PLAC9: variants seen among roughly 807,000 people sequenced by gnomAD.
The protein encoded by PLAC9 is placenta-specific protein 9.
PLAC9 carries 12 observed loss-of-function variants against 11.5 expected under a neutral mutation model. The observed-to-expected ratio is 1.05, with a 90% CI of 0.67 to 1.69. The LOEUF is 1.69. Ranked by LOEUF, PLAC9 falls within the 40% of genes most tolerant of loss-of-function variation. PLAC9 has a pLI of 0.00. For missense variants in PLAC9, 132 were observed against 130.5 expected, an observed-to-expected ratio of 1.01 and a Z score of -0.06; for synonymous variants, 62 against 58.1, an observed-to-expected ratio of 1.07 and a Z score of -0.31.
intron 1 of PLAC9, among the ~76,000 whole-genome samples, chr10:80,139,840 C>T (rs1183248261): frequency 2.0e-5 from 3 of 152,070 alleles, no homozygotes; most frequent in Non-Finnish European, 4.4e-5. Context: ...CCCTCCCACT[C>T]GGCCTCCCAA....
chr10:80,132,927 G>A, intron 1 of PLAC9, 101 bp downstream of exon 1: 5 of 980,002 alleles, frequency 5.1e-6, no homozygotes, highest in African/African-American at 1.7e-5. Flanking sequence ...GCTGGACACA[G>A]CAGCGAGATG....
In PLAC9 at chr10:80,142,168, G is replaced by A. The variant is rs199877150; in HGVS notation, c.151G>A (p.Val51Ile). 14 of 1,605,642 alleles carry A rather than the reference G, an allele frequency of 8.7e-6. No individual in the cohort carries two copies. The highest frequency in any genetic ancestry group is 1.2e-5 in the Non-Finnish European group (14 of 1,173,550). ...CATGGCTGTGCAACGCCGTCTAGAT[G>A]TCATGGAGGAGGTAACAGGGTGGTT... is the stretch of plus-strand genomic sequence containing the variant. Reference protein sequence around the residue: ...RHMAVQRRLDVMEEMVEKTVD... With the variant: ...RHMAVQRRLDIMEEMVEKTVD... Residue 51 changes from valine (V) to isoleucine (I), a missense_variant, in exon 2 of 4, where the codon GTC becomes ATC. By Grantham distance (29) the Val-to-Ile change is conservative. Transcript: ENST00000372263.
At position 80,145,353 on chromosome 10, in the gene PLAC9, T is replaced by A. The variant is rs185622607; in HGVS notation, c.*443T>A. The A allele has an allele frequency of 8.6e-5, 20 of 233,230 alleles. 1 individual carries two copies. Among genetic ancestry groups the A allele is most frequent in the Middle Eastern group, 3.0e-3 (2 of 662 alleles). The allele number at this position is 233,230 out of a possible 1,614,324, so 14.4% of individuals were successfully genotyped here. On this transcript the variant is annotated 3_prime_UTR_variant, in exon 4 of 4. Coordinates refer to ENST00000372263, the MANE Select transcript of PLAC9 (RefSeq NM_001012973.3). ...CCATTAAAGTGGTTTGTTGTTGTTT[T>A]TAAAAATTTTTCCTATGAAGTGAAA...
At chr10:80,141,081 T>C (rs1182586471) in intron 1 of PLAC9, among the ~76,000 whole-genome samples, 3 of 152,200 alleles carry the variant, frequency 2.0e-5, no homozygotes, top group African/African-American at 7.2e-5. Context: ...ACTCATCACA[T>C]GCCAGCTGTT....
chr10:80,138,926 C>T (rs539177239), intron 1 of PLAC9, among the ~76,000 whole-genome samples: 16 of 151,758 alleles, frequency 1.1e-4, no homozygotes, highest in African/African-American at 3.6e-4. Flanking sequence ...GCTGCTCGAC[C>T]TCTAAAAGTT....
intron 1 of PLAC9, among the ~76,000 whole-genome samples, chr10:80,140,510 T>C (rs539803941): frequency 3.9e-5 from 6 of 152,194 alleles, no homozygotes; most frequent in Admixed American, 1.3e-4. Flanking sequence ...TCTGTAAAGC[T>C]CTTGGCTTCT....
At chr10:80,141,425 C>G (rs888736267) in intron 1 of PLAC9, among the ~76,000 whole-genome samples, 1 of 151,992 alleles carries the variant, frequency 6.6e-6, no homozygotes, top group Non-Finnish European at 1.5e-5. Context: ...ATGGTGAAAC[C>G]CTGTCTCTGC....
chr10:80,132,088 T>C (rs1260796858), upstream of PLAC9, among the ~76,000 whole-genome samples: 2 of 152,240 alleles, frequency 1.3e-5, no homozygotes, highest in Non-Finnish European at 2.9e-5. Context: ...TATCCCCTCA[T>C]TAATAATGAA....
intron 2 of PLAC9, chr10:80,143,953 GAGAAGGTATTCT>G: frequency 2.2e-6 from 1 of 462,468 alleles, no homozygotes; most frequent in East Asian, 4.2e-5. Flanking sequence ...GTCCAAAAGG[GAGAAGGTATTCT>G]ACAGGCGCTT....
chr10:80,142,225 T>C, intron 2 of PLAC9, 46 bp downstream of exon 2: 1 of 1,484,842 alleles, frequency 6.7e-7, no homozygotes. Flanking sequence ...GACCACCTTC[T>C]AGGATGGTGT....
At chr10:80,144,664 T>C (rs1845080712) in intron 3 of PLAC9, among the ~76,000 whole-genome samples, 1 of 152,156 alleles carries the variant, frequency 6.6e-6, no homozygotes, top group South Asian at 2.1e-4. Flanking sequence ...TCAGCTCCTT[T>C]AATTTTCCCC....
At chr10:80,143,244 TCTGG>T (rs1845061426) in intron 2 of PLAC9, among the ~76,000 whole-genome samples, 2 of 151,200 alleles carry the variant, frequency 1.3e-5, no homozygotes, top group African/African-American at 4.9e-5. Context: ...TTTTTGTACC[TCTGG>T]TAGAGATGGG....
At chr10:80,131,734 G>A (rs534456234), upstream of PLAC9, 1 of 152,234 alleles carries the variant, frequency 6.6e-6, no homozygotes, top group African/African-American at 2.4e-5. Context: ...AGTGAGAACT[G>A]GATCACTGGT....
chr10:80,142,081 G>A lies in PLAC9; in HGVS notation c.65-1G>A. Reference sequence around the variant, plus strand: ...CAGTGACAAGACTTGTTTTCCCACAGCTGCCGAACCCTTCAGCCCTCCGCG... The same window carrying A: ...CAGTGACAAGACTTGTTTTCCCACAACTGCCGAACCCTTCAGCCCTCCGCG... On this transcript the variant is annotated splice_acceptor_variant, in intron 1 of 3. Coordinates refer to ENST00000372263, the MANE Select transcript of PLAC9 (RefSeq NM_001012973.3). LOFTEE classifies it high-confidence loss of function. 6.2e-7 allele frequency: 1 copy of A among 1,606,102 alleles called. No individual in the cohort carries two copies. Among genetic ancestry groups the A allele is most frequent in the Non-Finnish European group, 8.5e-7 (1 of 1,174,044 alleles).
intron 3 of PLAC9, 40 bp from the exon 4 acceptor site, chr10:80,144,860 C>T (rs1263275209): frequency 3.2e-6 from 5 of 1,551,080 alleles, no homozygotes; most frequent in Non-Finnish European, 4.3e-6. Flanking sequence ...TACTCTGCGG[C>T]ACCCCAGCTT....
intron 1 of PLAC9, among the ~76,000 whole-genome samples, chr10:80,140,228 A>C (rs1357615872): frequency 6.6e-6 from 1 of 151,924 alleles, no homozygotes; most frequent in Admixed American, 6.6e-5. Flanking sequence ...TTAAAAAAAA[A>C]AATGACAACC....
chr10:80,132,543 T>G, upstream of PLAC9: 3 of 440,762 alleles, frequency 6.8e-6, no homozygotes, highest in South Asian at 1.3e-4. Context: ...GGCGCCCAGG[T>G]GGCACGTCGG....
At chr10:80,143,389 ATTTTT>A (rs560963413) in intron 2 of PLAC9, among the ~76,000 whole-genome samples, 967 of 89,900 alleles carry the variant, frequency 0.011, 11 homozygotes, top group East Asian at 0.022. Flanking sequence ...AAATACTTGA[ATTTTT>A]TTTTTTTTTT....
chr10:80,144,486 G>T, intron 3 of PLAC9, 143 bp downstream of exon 3: 1 of 1,240,440 alleles, frequency 8.1e-7, no homozygotes, highest in Non-Finnish European at 1.1e-6. Flanking sequence ...ACGGAAGCGG[G>T]ACGGCATCAT....
Sources: gnomAD v4.1 joint callset for allele counts (sites outside exome capture counted in the v4.1 genomes callset) on GRCh38, gnomAD v4.1.1 for gene constraint, MANE v1.5 for transcripts, NCBI Gene and HGNC (gene_info 2026-07-23, HGNC 2026-07-21) for gene names.